MDM4: variants seen among roughly 807,000 people sequenced by gnomAD.
MDM4 encodes the protein protein Mdm4.
In MDM4, 2 loss-of-function variants were observed where a neutral mutation model predicts 60.2. The observed-to-expected ratio is 0.03, with a 90% CI of 0.01 to 0.10. The LOEUF (loss-of-function observed/expected upper bound fraction) is 0.10. MDM4 is among the 10% of genes least tolerant of loss of function. The probability of loss-of-function intolerance (pLI) is 1.00; values close to 1 mark genes in which losing one functional copy is unlikely to be tolerated. For synonymous variants in MDM4, 202 were observed against 198.1 expected (o/e 1.02, Z -0.17); for missense variants, 447 against 577.5 (o/e 0.77, Z 2.32).
In MDM4 at chr1:204,530,715, T is replaced by G. The variant is rs764056854; in HGVS notation, c.185T>G (p.Val62Gly). 55 of 1,614,182 alleles carry G rather than the reference T, an allele frequency of 3.4e-5. No individual in the cohort carries two copies. Among genetic ancestry groups the G allele is most frequent in the Middle Eastern group, 1.6e-4 (1 of 6,062 alleles). ...CACTATTTAGGTCAGTACATAATGG[T>G]GAAGCAACTTTATGATCAGCAGGAG... ...VMHYLGQYIM[V>G]KQLYDQQEQH... Residue 62 changes from valine (V) to glycine (G), a missense_variant, in exon 4 of 11, where the codon GTG (valine) becomes GGG (glycine). Coordinates refer to ENST00000367182, the MANE Select transcript of MDM4 (RefSeq NM_002393.5).
At position 204,554,720 on chromosome 1, in the gene MDM4, G is replaced by A; in HGVS notation, c.*5038G>A. 4.4e-6 allele frequency: 1 copy of A among 227,388 alleles called. No homozygotes were observed. The highest frequency in any genetic ancestry group is 8.7e-6 in the Non-Finnish European group (1 of 114,520). 14.1% of individuals were successfully genotyped at this position (227,388 alleles called of 1,614,324 possible). On this transcript the variant is annotated 3_prime_UTR_variant, in exon 11 of 11. Coordinates refer to ENST00000367182, the MANE Select transcript of MDM4 (RefSeq NM_002393.5). ...ATGTGGCTCCCCAGGCCTAATTTGGGAACAGTTTTTCCTGATTGCTTTGAG... is the reference window on the plus strand; with the variant it reads ...ATGTGGCTCCCCAGGCCTAATTTGGAAACAGTTTTTCCTGATTGCTTTGAG...
chr1:204,551,410 C>A lies in MDM4; in HGVS notation c.*1728C>A, dbSNP rs972426739. ...CTTTTGTTTAGTGCCTCTGGAGCTG[C>A]TTACACCAAGGCAATACGCCTTGAT... On this transcript the variant is annotated 3_prime_UTR_variant, in exon 11 of 11. Transcript: ENST00000367182. 11 of 220,174 alleles carry A rather than the reference C, an allele frequency of 5.0e-5. No individual in the cohort carries two copies. In the Admixed American group the frequency reaches 6.5e-4, roughly 13 times the overall value. 13.6% of individuals were successfully genotyped at this position (220,174 alleles called of 1,614,324 possible). A position where few individuals can be genotyped will look rare whatever the true frequency, so the allele number is the denominator to read the frequency against.
Position 204,554,859 on chromosome 1 carries a change from G to T in MDM4, c.*5177G>T, listed in dbSNP as rs1572539378. The stretch of plus-strand genomic sequence containing the variant: ...GGGAAATGTCCCATTAGCATTTTCA[G>T]ATCTTTTGATGTGCACTAATGCCAT... On this transcript the variant is annotated 3_prime_UTR_variant, in exon 11 of 11. Transcript: ENST00000367182. 1.1e-4 allele frequency: 25 copies of T among 224,754 alleles called. No individual in the cohort carries two copies. The East Asian group carries it at 1.6e-3, about 14-fold the overall frequency. The allele number at this position is 224,754 out of a possible 1,614,324, so 13.9% of individuals were successfully genotyped here.
intron 3 of MDM4, among the ~76,000 whole-genome samples, chr1:204,526,771 A>T (rs924758571): frequency 1.9e-4 from 29 of 152,242 alleles, no homozygotes; most frequent in African/African-American, 6.3e-4. Flanking sequence ...CCAAATTCTC[A>T]GTTTTAAGAA....
intron 1 of MDM4, among the ~76,000 whole-genome samples, chr1:204,523,472 AATTT>A (rs1659779993): frequency 1.1e-5 from 1 of 89,064 alleles, no homozygotes; most frequent in African/African-American, 3.3e-5. Context: ...ACCTAAAAAA[AATTT>A]TTTTTTTTTT....
chr1:204,521,332 G>C (rs1388052641), intron 1 of MDM4, among the ~76,000 whole-genome samples: 1 of 152,166 alleles, frequency 6.6e-6, no homozygotes, highest in African/African-American at 2.4e-5. Flanking sequence ...TTGTGGTTTT[G>C]TGGTTTGTCA....
chr1:204,527,445 G>A lies in MDM4; in HGVS notation c.153+1011G>A, dbSNP rs574721803. ...GAGGTGGGCAGATCACCTGAGGTCA[G>A]GAGTTCGAGACCAGCCTGACCAACA... On this transcript the variant is annotated intron_variant, in intron 3 of 10. Coordinates refer to ENST00000367182, the MANE Select transcript of MDM4 (RefSeq NM_002393.5). 8.5e-5 allele frequency among the ~76,000 whole-genome samples: 13 copies of A among 152,282 alleles called. 1 individual carries two copies. The highest frequency in any genetic ancestry group is 3.1e-4 in the African/African-American group (13 of 41,544).
chr1:204,534,654 GTTTTTTGTATAT>G (rs1321086373), intron 5 of MDM4, among the ~76,000 whole-genome samples: 5 of 151,832 alleles, frequency 3.3e-5, no homozygotes, highest in African/African-American at 1.2e-4. Context: ...CACCTGGCTA[GTTTTTTGTATAT>G]TTTTTTGTAG....
Position 204,552,890 on chromosome 1 carries a change from C to CTTTTTTTTTT in MDM4, c.*3210_*3211insTTTTTTTTTT, listed in dbSNP as rs1558343413. The CTTTTTTTTTT allele has an allele frequency of 6.9e-6, 1 of 145,942 alleles. No individual in the cohort carries two copies. The allele number at this position is 145,942 out of a possible 1,614,324, so 9.0% of individuals were successfully genotyped here. On this transcript the variant is annotated 3_prime_UTR_variant, in exon 11 of 11. Transcript: ENST00000367182. ...TTCTTTTCTTTTTTTTTTTTTTTTA[C>CTTTTTTTTTT]TTGAGATGGAGTTTTGCTCTTGTCG...
intron 5 of MDM4, among the ~76,000 whole-genome samples, chr1:204,535,157 CTTTTT>C (rs869147485): frequency 7.7e-6 from 1 of 130,154 alleles, no homozygotes; most frequent in Admixed American, 7.7e-5. Flanking sequence ...AATGGTAGTT[CTTTTT>C]TTTTTTTTTT....
chr1:204,530,040 C>T (rs1352522039), intron 3 of MDM4, among the ~76,000 whole-genome samples: 1 of 152,084 alleles, frequency 6.6e-6, no homozygotes, highest in Non-Finnish European at 1.5e-5. Flanking sequence ...CCACACCTGG[C>T]TAAGTTTTGT....
Position 204,554,077 on chromosome 1 carries a change from T to C in MDM4, c.*4395T>C. The C allele has an allele frequency of 4.4e-6, 1 of 228,736 alleles. No homozygotes were observed. The allele number at this position is 228,736 out of a possible 1,614,324, so 14.2% of individuals were successfully genotyped here. On this transcript the variant is annotated 3_prime_UTR_variant, in exon 11 of 11. Coordinates refer to ENST00000367182, the MANE Select transcript of MDM4 (RefSeq NM_002393.5). ...TATTTGGTTTGTAAGAATTTATTTT[T>C]AAGGGTCAAGGTCATTTGTAACATT...
intron 7 of MDM4, among the ~76,000 whole-genome samples, chr1:204,542,368 A>G (rs1572510596): frequency 6.6e-6 from 1 of 152,234 alleles, no homozygotes. Flanking sequence ...AATGCTGTTA[A>G]TCAAACTATT....
Position 204,557,977 on chromosome 1 carries a change from A to G in MDM4, c.*8295A>G, listed in dbSNP as rs182606778. 1.3e-4 allele frequency: 25 copies of G among 185,232 alleles called. No individual in the cohort carries two copies. In the East Asian group the frequency reaches 2.1e-3, roughly 16 times the overall value. The allele number at this position is 185,232 out of a possible 1,614,324, so 11.5% of individuals were successfully genotyped here. ...CCAGCTCACTAGATGAGGAAAGAGG[A>G]AGGCATTTTCTGCATTCTTGCCTAG... On this transcript the variant is annotated 3_prime_UTR_variant, in exon 11 of 11. Coordinates refer to ENST00000367182, the MANE Select transcript of MDM4 (RefSeq NM_002393.5).
chr1:204,545,048 A>G (rs4252729), intron 9 of MDM4, among the ~76,000 whole-genome samples: 1 of 152,188 alleles, frequency 6.6e-6, no homozygotes, highest in Non-Finnish European at 1.5e-5. Context: ...CTTTTAAAAA[A>G]CATTATGAGT....
intron 1 of MDM4, among the ~76,000 whole-genome samples, chr1:204,520,791 A>C (rs1048154020): frequency 2.6e-5 from 4 of 152,142 alleles, no homozygotes; most frequent in Non-Finnish European, 5.9e-5. Context: ...TGGGAGGATT[A>C]CTTGAGCCCA....
In MDM4 at chr1:204,532,254, A is replaced by G; in HGVS notation, c.343+8A>G. The G allele has an allele frequency of 6.4e-7, 1 of 1,566,252 alleles. No homozygotes were observed. ...TAGCCACTGCTACTACAGGTATGTCACATCATATTTCTTCAGTCTGTATCA... is the reference window on the plus strand; with the variant it reads ...TAGCCACTGCTACTACAGGTATGTCGCATCATATTTCTTCAGTCTGTATCA... On this transcript the variant is annotated splice_region_variant and intron_variant, in intron 5 of 10. Transcript: ENST00000367182.
intron 8 of MDM4, among the ~76,000 whole-genome samples, chr1:204,544,131 T>C (rs1023981715): frequency 1.3e-5 from 2 of 152,236 alleles, no homozygotes; most frequent in Non-Finnish European, 2.9e-5. Flanking sequence ...TTAATAAACA[T>C]CCTTGACCAT....
intron 3 of MDM4, among the ~76,000 whole-genome samples, chr1:204,528,207 G>T (rs4252687): frequency 1.3e-5 from 2 of 151,896 alleles, no homozygotes; most frequent in African/African-American, 2.4e-5. Context: ...CCCTGGAGAT[G>T]GAAGCCGAGC....
Sources: gnomAD v4.1 joint callset for allele counts (sites outside exome capture counted in the v4.1 genomes callset) on GRCh38, gnomAD v4.1.1 for gene constraint, MANE v1.5 for transcripts, NCBI Gene and HGNC (gene_info 2026-07-23, HGNC 2026-07-21) for gene names.